KLF12: variants seen among roughly 807,000 people sequenced by gnomAD.
The protein encoded by KLF12 is Krueppel-like factor 12.
KLF12 carries 9 observed loss-of-function variants against 37.8 expected under a neutral mutation model. That is an observed-to-expected ratio of 0.24 (90% CI 0.14 to 0.42). KLF12 has a LOEUF of 0.42. KLF12 is among the 10% of genes least tolerant of loss of function. The pLI is 1.00. For missense variants in KLF12, 411 were observed against 516.0 expected (o/e 0.80, Z 1.97); for synonymous variants, 208 against 202.1 (o/e 1.03, Z -0.25).
intron 4 of KLF12, among the ~76,000 whole-genome samples, chr13:73,821,686 T>C (rs7328414): frequency 0.27 from 41,041 of 151,948 alleles, 5,717 homozygotes; most frequent in East Asian, 0.49. Flanking sequence ...TTTTTCCCAC[T>C]GTCTACCGAA....
upstream of KLF12, among the ~76,000 whole-genome samples, chr13:74,134,503 G>C (rs978463350): frequency 7.9e-5 from 12 of 151,712 alleles, no homozygotes; most frequent in Admixed American, 2.0e-4. Flanking sequence ...CCGGACCGCC[G>C]GGCTGGGTCC....
the KLF12 span, among the ~76,000 whole-genome samples, chr13:74,254,069 A>G: frequency 6.6e-6 from 1 of 152,166 alleles, no homozygotes; most frequent in Non-Finnish European, 1.5e-5. Context: ...GCCTTGAATT[A>G]TCTTTTAATT....
chr13:73,942,407 C>A (rs748929195), intron 3 of KLF12, among the ~76,000 whole-genome samples: 3 of 151,930 alleles, frequency 2.0e-5, no homozygotes, highest in Non-Finnish European at 4.4e-5. Flanking sequence ...ATGAGCTGAG[C>A]AGAAGTTTAT....
chr13:74,282,854 T>A, the KLF12 span, among the ~76,000 whole-genome samples: 41 of 152,238 alleles, frequency 2.7e-4, no homozygotes, highest in African/African-American at 9.9e-4. Context: ...TGAGTCTCAG[T>A]TTCCCCCCCT....
intron 3 of KLF12, among the ~76,000 whole-genome samples, chr13:73,870,982 A>G (rs901479523): frequency 6.6e-6 from 1 of 152,188 alleles, no homozygotes; most frequent in Non-Finnish European, 1.5e-5. Context: ...AATAAGTACA[A>G]AGTATGAGAT....
At position 73,846,384 on chromosome 13, in the gene KLF12, A is replaced by T. The variant is rs1160730076; in HGVS notation, c.124-11T>A. The T allele has an allele frequency of 6.3e-7, 1 of 1,598,488 alleles. No homozygotes were observed. Among genetic ancestry groups the T allele is most frequent in the Non-Finnish European group, 8.5e-7 (1 of 1,172,552 alleles). On this transcript the variant is annotated splice_polypyrimidine_tract_variant and intron_variant, in intron 3 of 7. Coordinates refer to ENST00000377669, the MANE Select transcript of KLF12 (RefSeq NM_007249.5). ...GTGGACGTTTGGAGACTGTGGGGAG[A>T]AAAATGGAACATATATTTATCTTTG...
chr13:74,138,220 A>G (rs1055442152), upstream of KLF12, among the ~76,000 whole-genome samples: 3 of 152,244 alleles, frequency 2.0e-5, no homozygotes, highest in African/African-American at 7.2e-5. Flanking sequence ...ATAGGGTAGG[A>G]ATGAAGTCCC....
chr13:73,846,193 A>T lies in KLF12; in HGVS notation c.304T>A (p.Ser102Thr). The T allele has an allele frequency of 1.2e-6, 2 of 1,614,092 alleles. No homozygotes were observed. The highest frequency in any genetic ancestry group is 1.7e-6 in the Non-Finnish European group (2 of 1,180,004). The change falls in exon 4 of 8, where the codon TCC becomes ACC. Residue 102 changes from serine to threonine, a missense_variant. By Grantham distance (58) the Ser-to-Thr change is moderately conservative. Transcript: ENST00000377669. ...GGTGAGGAGGCAGATGCTGTCATGGAAACTGGGGAGGATGAAACGGCAGTA... is the reference window on the plus strand; with the variant it reads ...GGTGAGGAGGCAGATGCTGTCATGGTAACTGGGGAGGATGAAACGGCAGTA...
chr13:74,151,441 A>G, the KLF12 span, among the ~76,000 whole-genome samples: 1 of 152,114 alleles, frequency 6.6e-6, no homozygotes, highest in Non-Finnish European at 1.5e-5. Context: ...GCTTGACCCC[A>G]GGAGTTTGAG....
chr13:73,737,872 C>T (rs1877570617), intron 6 of KLF12, among the ~76,000 whole-genome samples: 1 of 151,776 alleles, frequency 6.6e-6, no homozygotes, highest in Admixed American at 6.6e-5. Context: ...CTGAAGAAGA[C>T]AAGATTGGCC....
chr13:74,021,794 T>G (rs951214633), intron 1 of KLF12, among the ~76,000 whole-genome samples: 1 of 152,168 alleles, frequency 6.6e-6, no homozygotes, highest in Non-Finnish European at 1.5e-5. Flanking sequence ...AAAGGATTGA[T>G]AAGCAAATTA....
intron 1 of KLF12, among the ~76,000 whole-genome samples, chr13:74,050,736 TA>T (rs2138592988): frequency 6.6e-6 from 1 of 152,130 alleles, no homozygotes; most frequent in East Asian, 1.9e-4. Context: ...TCCATCAACC[TA>T]AAAAGCTACA....
chr13:74,200,989 T>C, the KLF12 span, among the ~76,000 whole-genome samples: 1 of 152,182 alleles, frequency 6.6e-6, no homozygotes, highest in African/African-American at 2.4e-5. Flanking sequence ...TACTATTTTA[T>C]TAAATGAAGG....
chr13:74,179,509 G>A, the KLF12 span, among the ~76,000 whole-genome samples: 284 of 152,268 alleles, frequency 1.9e-3, 1 homozygote, highest in African/African-American at 6.4e-3. Context: ...AATGAAGGGA[G>A]CTGTATAATT....
intron 2 of KLF12, among the ~76,000 whole-genome samples, chr13:73,976,222 T>C (rs558465585): frequency 6.6e-6 from 1 of 152,044 alleles, no homozygotes; most frequent in South Asian, 2.1e-4. Flanking sequence ...AAGCAACAAG[T>C]ATGAAAGTTG....
chr13:73,927,950 C>T (rs972486244), intron 3 of KLF12, among the ~76,000 whole-genome samples: 2 of 151,226 alleles, frequency 1.3e-5, no homozygotes, highest in African/African-American at 4.9e-5. Context: ...CTCCGCCTCC[C>T]GGGTTCAAGT....
intron 2 of KLF12, among the ~76,000 whole-genome samples, chr13:73,988,378 T>C (rs1390996048): frequency 6.6e-6 from 1 of 152,204 alleles, no homozygotes; most frequent in African/African-American, 2.4e-5. Context: ...CATACAACTG[T>C]AGAAACTTAT....
the KLF12 span, among the ~76,000 whole-genome samples, chr13:74,160,733 G>C: frequency 6.6e-6 from 1 of 152,146 alleles, no homozygotes; most frequent in Non-Finnish European, 1.5e-5. Context: ...ACAGAGAATG[G>C]GACATACTGC....
At chr13:74,202,438 A>G in the KLF12 span, among the ~76,000 whole-genome samples, 14,810 of 152,114 alleles carry the variant, frequency 0.097, 2,066 homozygotes, top group African/African-American at 0.31. Flanking sequence ...AGGACTGCAG[A>G]GCTGCTCTTG....
Sources: gnomAD v4.1 joint callset for allele counts (sites outside exome capture counted in the v4.1 genomes callset) on GRCh38, gnomAD v4.1.1 for gene constraint, MANE v1.5 for transcripts, NCBI Gene and HGNC (gene_info 2026-07-23, HGNC 2026-07-21) for gene names.